Variants in ASH1L observed in about 807,000 individuals in gnomAD.
ASH1L encodes the protein ASH1 like histone lysine methyltransferase.
Under a neutral mutation model 269.0 loss-of-function variants are expected in ASH1L, and 23 were observed. The observed-to-expected ratio is 0.09, with a 90% CI of 0.06 to 0.12. The LOEUF (loss-of-function observed/expected upper bound fraction) is 0.12, where lower values mean the gene tolerates loss of function less well. Ranked by LOEUF, ASH1L falls within the 10% of genes least tolerant of loss-of-function variation. The probability of loss-of-function intolerance (pLI) is 1.00; values close to 1 mark genes in which losing one functional copy is unlikely to be tolerated. For synonymous variants in ASH1L, 1,187 were observed against 1,253.5 expected (o/e 0.95, Z 1.12); for missense variants, 2,912 against 3,567.8 (o/e 0.82, Z 4.68).
At chr1:155,356,642 C>CAAA (rs1277769920) in intron 15 of ASH1L, among the ~76,000 whole-genome samples, 4 of 67,576 alleles carry the variant, frequency 5.9e-5, no homozygotes, top group Admixed American at 5.3e-4. Context: ...GACTCCGTCT[C>CAAA]AAAAAAAAAA....
chr1:155,478,011 T>A lies in ASH1L; in HGVS notation c.4859A>T (p.Asn1620Ile). The A allele has an allele frequency of 6.2e-7, 1 of 1,614,004 alleles. No individual in the cohort carries two copies. The highest frequency in any genetic ancestry group is 8.5e-7 in the Non-Finnish European group (1 of 1,180,000). The change falls in exon 3 of 28, where the codon AAC (asparagine) becomes ATC (isoleucine). Residue 1620 changes from asparagine to isoleucine, a missense_variant. Physicochemically the swap from Asn to Ile is moderately radical, Grantham distance 149. Transcript: ENST00000392403. The surrounding 1 kb of genome is among the most constrained non-coding windows in gnomAD (Gnocchi z 4.6). ...AGTTAATTTCTTCCGGCCACTGGAG[T>A]TAGGGTTTGAAACTCTGCAGCTGCC... Reference protein sequence around the residue: ...AIGSCRVSNPNSSGRKKLTDS... With the variant: ...AIGSCRVSNPISSGRKKLTDS...
chr1:155,471,716 G>A (rs901165970), intron 3 of ASH1L, among the ~76,000 whole-genome samples: 1 of 152,250 alleles, frequency 6.6e-6, no homozygotes, highest in African/African-American at 2.4e-5. Context: ...CACAAGTTCT[G>A]TGAGTCCTTT....
At chr1:155,560,322 CTCA>C (rs1366288939) in intron 1 of ASH1L, among the ~76,000 whole-genome samples, 1 of 152,170 alleles carries the variant, frequency 6.6e-6, no homozygotes, top group Non-Finnish European at 1.5e-5. Context: ...TTAAGAACCA[CTCA>C]TCTAGCCTAT....
At chr1:155,486,417 G>A (rs1182580384) in intron 2 of ASH1L, among the ~76,000 whole-genome samples, 1 of 151,254 alleles carries the variant, frequency 6.6e-6, no homozygotes, top group East Asian at 1.9e-4. Context: ...AAGGTTAATG[G>A]GTACCAAAAA....
intron 5 of ASH1L, among the ~76,000 whole-genome samples, chr1:155,418,915 A>G (rs900369376): frequency 6.6e-6 from 1 of 152,006 alleles, no homozygotes; most frequent in Non-Finnish European, 1.5e-5. Context: ...TAAAAATAAA[A>G]AAGAAATTAG....
At position 155,343,443 on chromosome 1, in the gene ASH1L, C is replaced by T; in HGVS notation, c.8164G>A (p.Glu2722Lys). 1.9e-6 allele frequency: 3 copies of T among 1,614,072 alleles called. No homozygotes were observed. Among genetic ancestry groups the T allele is most frequent in the Non-Finnish European group, 2.5e-6 (3 of 1,180,000 alleles). The change falls in exon 24 of 28, where the codon GAA becomes AAA. Residue 2722 changes from glutamate to lysine, a missense_variant. By Grantham distance (56) the Glu-to-Lys change is moderately conservative. This residue lies in a region of ASH1L where 179 missense variants were observed against 293.8 expected (regional missense o/e 0.61). Transcript: ENST00000392403. This position sits in a 1 kb window ranked among gnomAD's most constrained non-coding sequence, Gnocchi z 6.1. ...CGACGGGATGGAGAGTGGTGTGTTTCGTGGGGACGGAAATAATGGTGACCA... is the reference window on the plus strand; with the variant it reads ...CGACGGGATGGAGAGTGGTGTGTTTTGTGGGGACGGAAATAATGGTGACCA... Reference protein sequence around the residue: ...AFGHHYFRPHETHHSPSRRFY... With the variant: ...AFGHHYFRPHKTHHSPSRRFY...
chr1:155,407,528 C>T (rs1347339569), intron 6 of ASH1L, among the ~76,000 whole-genome samples: 2 of 152,118 alleles, frequency 1.3e-5, no homozygotes, highest in Non-Finnish European at 1.5e-5. Flanking sequence ...AACAACCCTT[C>T]CTTACTAGAC....
intron 7 of ASH1L, among the ~76,000 whole-genome samples, chr1:155,382,366 C>T (rs542627747): frequency 3.3e-5 from 5 of 151,990 alleles, no homozygotes; most frequent in East Asian, 1.9e-4. Context: ...GGCGTGGTGG[C>T]GGGCATCTGT....
At position 155,341,988 on chromosome 1, in the gene ASH1L, G is replaced by A. The variant is rs1439211926; in HGVS notation, c.8408C>T (p.Pro2803Leu). 3 of 1,613,942 alleles carry A rather than the reference G, an allele frequency of 1.9e-6. No individual in the cohort carries two copies. The highest frequency in any genetic ancestry group is 1.7e-6 in the Non-Finnish European group (2 of 1,180,020). ...HRNRYPVCTK[P>L]YAFDHFPKKL... ...CTTGGGGAAGTGATCAAAAGCATAGGGTTTGGTGCAGACAGGATAGCGGTT... is the reference window on the plus strand; with the variant it reads ...CTTGGGGAAGTGATCAAAAGCATAGAGTTTGGTGCAGACAGGATAGCGGTT... Residue 2803 changes from proline to leucine, a missense_variant, in exon 25 of 28, where the codon CCC becomes CTC. Pro to Leu is a moderately conservative substitution (Grantham distance 98, BLOSUM62 -3). Coordinates refer to ENST00000392403, the MANE Select transcript of ASH1L (RefSeq NM_018489.3).
intron 6 of ASH1L, among the ~76,000 whole-genome samples, chr1:155,397,513 AAG>A (rs1658466864): frequency 6.9e-6 from 1 of 144,276 alleles, no homozygotes; most frequent in African/African-American, 2.9e-5. Flanking sequence ...AAAAAAAAAA[AAG>A]AAAGAAAGAT....
chr1:155,523,679 C>T (rs928312953), intron 1 of ASH1L, among the ~76,000 whole-genome samples: 3 of 152,136 alleles, frequency 2.0e-5, no homozygotes, highest in African/African-American at 7.2e-5. Flanking sequence ...CGAGTCTAGC[C>T]TGGTCAACAT....
intron 15 of ASH1L, 48 bp from the exon 16 acceptor site, chr1:155,354,678 C>G (rs777066000): frequency 6.4e-7 from 1 of 1,551,010 alleles, no homozygotes. Context: ...ATTAAATAAG[C>G]ATGTATTACA....
Position 155,477,789 on chromosome 1 carries a change from A to T in ASH1L, c.4984+97T>A, listed in dbSNP as rs981128687. On this transcript the variant is annotated intron_variant, in intron 3 of 27. Coordinates refer to ENST00000392403, the MANE Select transcript of ASH1L (RefSeq NM_018489.3). ...AATACACTTATTAAAAAACAAAAAA[A>T]GATATATATATTAAAAGTTCATCTA... 2.6e-6 allele frequency: 3 copies of T among 1,168,086 alleles called. No individual in the cohort carries two copies. The African/African-American group carries it at 4.7e-5, about 18-fold the overall frequency. 72.4% of individuals were successfully genotyped at this position (1,168,086 alleles called of 1,614,324 possible). A position where few individuals can be genotyped will look rare whatever the true frequency, so the allele number is the denominator to read the frequency against.
At chr1:155,396,280 T>G (rs1429102961) in intron 6 of ASH1L, 1 of 152,136 alleles carries the variant, frequency 6.6e-6, no homozygotes, top group African/African-American at 2.4e-5. Context: ...TTTAAGATAT[T>G]ATGACTATAT....
rs370240700 is a variant in ASH1L, at chr1:155,478,595, G to A, written c.4275C>T (p.Ser1425=). ...PSFTTPLPPP[S]YMHAGHLLLN... is the part of the protein sequence containing the mutation. The stretch of plus-strand genomic sequence containing the variant: ...GAAGTAAATGACCAGCATGCATATA[G>A]GAAGGAGGTGGAAGTGGCGTGGTGA... The change falls in exon 3 of 28, where the codon TCC becomes TCT. Residue 1425 remains serine, a synonymous_variant. Coordinates refer to ENST00000392403, the MANE Select transcript of ASH1L (RefSeq NM_018489.3). This position sits in a 1 kb window ranked among gnomAD's most constrained non-coding sequence, Gnocchi z 4.6. The A allele has an allele frequency of 6.2e-7, 1 of 1,614,058 alleles. No individual in the cohort carries two copies. The highest frequency in any genetic ancestry group is 8.5e-7 in the Non-Finnish European group (1 of 1,180,024).
At chr1:155,551,171 CATTTT>C (rs1194856815) in intron 1 of ASH1L, among the ~76,000 whole-genome samples, 2 of 152,034 alleles carry the variant, frequency 1.3e-5, no homozygotes, top group African/African-American at 4.8e-5. Context: ...CTTCCTGCAG[CATTTT>C]ATTTGATTCT....
chr1:155,382,912 A>G (rs1313525619), intron 7 of ASH1L, among the ~76,000 whole-genome samples: 1 of 152,128 alleles, frequency 6.6e-6, no homozygotes, highest in East Asian at 1.9e-4. Context: ...TTTTGTAGAC[A>G]GGGTCTTGCC....
chr1:155,472,901 C>G (rs1490396070), intron 3 of ASH1L, among the ~76,000 whole-genome samples: 1 of 152,158 alleles, frequency 6.6e-6, no homozygotes, highest in African/African-American at 2.4e-5. Context: ...TACTGCAGTT[C>G]CTCAGAGCTA....
intron 2 of ASH1L, among the ~76,000 whole-genome samples, chr1:155,490,713 T>G (rs1443692399): frequency 6.6e-6 from 1 of 151,276 alleles, no homozygotes; most frequent in Non-Finnish European, 1.5e-5. Context: ...TCCCAACACT[T>G]TGGGAAGCTG....
Sources: gnomAD v4.1 joint callset for allele counts (sites outside exome capture counted in the v4.1 genomes callset) on GRCh38, gnomAD v4.1.1 for gene constraint, gnomAD v4.1.1 regional missense constraint, Gnocchi (gnomAD v3.1) non-coding constraint, MANE v1.5 for transcripts, NCBI Gene and HGNC (gene_info 2026-07-23, HGNC 2026-07-21) for gene names.